Variants in ARHGAP15 observed in about 807,000 individuals in gnomAD.
ARHGAP15 encodes rho GTPase-activating protein 15.
A neutral mutation model predicts 63.7 loss-of-function variants in ARHGAP15; 51 were observed. That is an observed-to-expected ratio of 0.80 (90% CI 0.64 to 1.01). The LOEUF is 1.01. Ranked by LOEUF, ARHGAP15 falls within the 50% of genes least tolerant of loss-of-function variation. The pLI is 0.00. For synonymous variants in ARHGAP15, 191 were observed against 193.8 expected (o/e 0.99, Z 0.12); for missense variants, 560 against 564.6 (o/e 0.99, Z 0.08).
At chr2:143,584,915 A>G (rs1010640516) in intron 11 of ARHGAP15, among the ~76,000 whole-genome samples, 2 of 152,200 alleles carry the variant, frequency 1.3e-5, no homozygotes, top group Non-Finnish European at 1.5e-5. Context: ...AATTGGCTCA[A>G]ATGATTTATA....
At chr2:143,749,762 A>C (rs569574262) in intron 13 of ARHGAP15, among the ~76,000 whole-genome samples, 13 of 152,176 alleles carry the variant, frequency 8.5e-5, no homozygotes, top group Non-Finnish European at 1.9e-4. Context: ...CTATTATTAT[A>C]TTTTATGATT....
At chr2:143,237,535 C>T (rs913019310) in intron 5 of ARHGAP15, 1 of 152,206 alleles carries the variant, frequency 6.6e-6, no homozygotes, top group African/African-American at 2.4e-5. Flanking sequence ...GTGTCACCAT[C>T]TCAGTGAGCA....
intron 4 of ARHGAP15, among the ~76,000 whole-genome samples, chr2:143,225,691 A>G (rs1011720545): frequency 1.3e-5 from 2 of 152,124 alleles, no homozygotes; most frequent in Non-Finnish European, 2.9e-5. Flanking sequence ...GAGCTAGAGA[A>G]ACTGGGTTTA....
At chr2:143,744,206 G>T (rs1036584580) in intron 13 of ARHGAP15, among the ~76,000 whole-genome samples, 1 of 152,180 alleles carries the variant, frequency 6.6e-6, no homozygotes, top group African/African-American at 2.4e-5. Flanking sequence ...CACATGGGTG[G>T]CAAGGAATAA....
chr2:143,397,503 A>G (rs1170615049), intron 6 of ARHGAP15, among the ~76,000 whole-genome samples: 10 of 152,082 alleles, frequency 6.6e-5, no homozygotes, highest in African/African-American at 2.4e-4. Context: ...AAGAGAATAT[A>G]AAGTTGATGT....
intron 2 of ARHGAP15, among the ~76,000 whole-genome samples, chr2:143,180,116 C>G (rs1691178416): frequency 6.6e-6 from 1 of 152,152 alleles, no homozygotes; most frequent in African/African-American, 2.4e-5. Context: ...TTGCCTCTTT[C>G]TTTTGTGAAA....
chr2:143,368,901 G>C (rs902247032), intron 6 of ARHGAP15, among the ~76,000 whole-genome samples: 1 of 152,058 alleles, frequency 6.6e-6, no homozygotes, highest in Admixed American at 6.6e-5. Context: ...CCTTATGACA[G>C]TGATTACCTA....
At chr2:143,667,190 AC>A (rs1200274636) in intron 12 of ARHGAP15, among the ~76,000 whole-genome samples, 1 of 149,444 alleles carries the variant, frequency 6.7e-6, no homozygotes, top group African/African-American at 2.5e-5. Context: ...ACAATGATAG[AC>A]TGGATTAAGA....
At chr2:143,256,329 T>C (rs1680426639) in intron 6 of ARHGAP15, among the ~76,000 whole-genome samples, 1 of 152,162 alleles carries the variant, frequency 6.6e-6, no homozygotes, top group Non-Finnish European at 1.5e-5. Flanking sequence ...ATTTCTGCTC[T>C]ACTTCTGGTC....
chr2:143,675,763 A>G (rs1408454263), intron 12 of ARHGAP15, among the ~76,000 whole-genome samples: 1 of 152,152 alleles, frequency 6.6e-6, no homozygotes, highest in Non-Finnish European at 1.5e-5. Flanking sequence ...GATTAGATTT[A>G]ACATAATTTG....
chr2:143,308,241 TTCTG>T lies in ARHGAP15; in HGVS notation c.474+57645_474+57648del, dbSNP rs372144439. Among the ~76,000 whole-genome samples the T allele has an allele frequency of 7.5e-3, 1,142 of 152,180 alleles. 8 individuals are homozygous for T. The highest frequency in any genetic ancestry group is 0.027 in the African/African-American group (1,109 of 41,518). ...AGACTTAAATCATATCTAAGTAAAT[TTCTG>T]TCTTAGAGTTTCATCTCATACTCTA... is the stretch of plus-strand genomic sequence containing the variant. On this transcript the variant is annotated intron_variant, in intron 6 of 13. Coordinates refer to ENST00000295095, the MANE Select transcript of ARHGAP15 (RefSeq NM_018460.4).
At chr2:143,650,640 A>C (rs967187507) in intron 12 of ARHGAP15, among the ~76,000 whole-genome samples, 1 of 151,972 alleles carries the variant, frequency 6.6e-6, no homozygotes, top group Non-Finnish European at 1.5e-5. Flanking sequence ...TGTTTTGAGG[A>C]AGGTAAAATT....
At chr2:143,644,413 A>G (rs1244469388) in intron 12 of ARHGAP15, among the ~76,000 whole-genome samples, 1 of 152,016 alleles carries the variant, frequency 6.6e-6, no homozygotes, top group African/African-American at 2.4e-5. Context: ...GCTTTGAGGA[A>G]GAGTTCTAGT....
At chr2:143,235,779 G>A (rs1362211719) in intron 5 of ARHGAP15, among the ~76,000 whole-genome samples, 1 of 152,198 alleles carries the variant, frequency 6.6e-6, no homozygotes, top group Non-Finnish European at 1.5e-5. Context: ...AGAAGTACTA[G>A]AGAATCAGGA....
chr2:143,414,333 C>G (rs1277450702), intron 6 of ARHGAP15, among the ~76,000 whole-genome samples: 1 of 151,388 alleles, frequency 6.6e-6, no homozygotes, highest in African/African-American at 2.4e-5. Flanking sequence ...CAATTATAGC[C>G]AAAAAGAGCG....
chr2:143,557,416 G>A (rs1695852588), intron 11 of ARHGAP15, among the ~76,000 whole-genome samples: 1 of 152,048 alleles, frequency 6.6e-6, no homozygotes, highest in Admixed American at 6.6e-5. Flanking sequence ...CAATATACTG[G>A]GAAAAGGAAA....
intron 10 of ARHGAP15, among the ~76,000 whole-genome samples, chr2:143,549,926 T>C (rs187104990): frequency 2.3e-4 from 35 of 152,028 alleles, no homozygotes; most frequent in Non-Finnish European, 3.8e-4. Context: ...AGGGAGAGAG[T>C]TGGACACATA....
chr2:143,363,048 T>C (rs573629869), intron 6 of ARHGAP15, among the ~76,000 whole-genome samples: 1 of 152,340 alleles, frequency 6.6e-6, no homozygotes, highest in Admixed American at 6.5e-5. Context: ...ATAATTTTCA[T>C]TCTATTTAGA....
chr2:143,253,788 T>TAC, intron 6 of ARHGAP15, among the ~76,000 whole-genome samples: 1 of 151,644 alleles, frequency 6.6e-6, no homozygotes, highest in African/African-American at 2.4e-5. Flanking sequence ...TATGTATATA[T>TAC]ACTCTACCTG....
Sources: allele counts gnomAD v4.1 joint callset (sites outside exome capture counted in the v4.1 genomes callset), GRCh38; gene constraint gnomAD v4.1.1; transcripts MANE v1.5; gene names NCBI Gene and HGNC (gene_info 2026-07-23, HGNC 2026-07-21).